Variants in CCDC73 observed in about 807,000 individuals in gnomAD.
The protein encoded by CCDC73 is coiled-coil domain containing 73, also known as coiled-coil domain-containing protein 73.
CCDC73 carries 95 observed loss-of-function variants against 116.5 expected under a neutral mutation model. The observed-to-expected ratio is 0.82, with a 90% CI of 0.69 to 0.97. CCDC73 has a LOEUF of 0.97. CCDC73 is among the 50% of genes least tolerant of loss of function. CCDC73 has a pLI of 0.00. For missense variants in CCDC73, 1,066 were observed against 1,206.8 expected, an observed-to-expected ratio of 0.88 and a Z score of 1.73; for synonymous variants, 398 against 401.3, an observed-to-expected ratio of 0.99 and a Z score of 0.10.
At chr11:32,619,560 C>G (rs1590547502) in intron 14 of CCDC73, among the ~76,000 whole-genome samples, 1 of 152,208 alleles carries the variant, frequency 6.6e-6, no homozygotes, top group South Asian at 2.1e-4. Context: ...GTAGTCCTAA[C>G]TACTTGGGAA....
At chr11:32,782,821 T>G (rs1041686067) in intron 1 of CCDC73, among the ~76,000 whole-genome samples, 4 of 151,944 alleles carry the variant, frequency 2.6e-5, no homozygotes, top group Admixed American at 2.6e-4. Flanking sequence ...AAAATTAAGA[T>G]AGTGGAAATG....
intron 14 of CCDC73, among the ~76,000 whole-genome samples, chr11:32,625,192 T>C (rs1449281573): frequency 5.3e-5 from 8 of 152,312 alleles, no homozygotes; most frequent in Admixed American, 5.2e-4. Flanking sequence ...TCAGATGGGT[T>C]TCCTGAATAC....
chr11:32,711,412 T>G (rs533399100), intron 3 of CCDC73, among the ~76,000 whole-genome samples: 1 of 152,154 alleles, frequency 6.6e-6, no homozygotes, highest in South Asian at 2.1e-4. Flanking sequence ...AATCAACAAG[T>G]AGATAAAGAA....
At chr11:32,742,500 G>T (rs1402445637) in intron 2 of CCDC73, among the ~76,000 whole-genome samples, 1 of 152,148 alleles carries the variant, frequency 6.6e-6, no homozygotes, top group African/African-American at 2.4e-5. Flanking sequence ...TTTTGATGGG[G>T]TTGTTTGCTT....
At position 32,614,642 on chromosome 11, in the gene CCDC73, T is replaced by C. The variant is rs374019766; in HGVS notation, c.1676A>G (p.Asp559Gly). 6.3e-5 allele frequency: 102 copies of C among 1,613,054 alleles called. No individual in the cohort carries two copies. The East Asian group carries it at 1.7e-3, about 28-fold the overall frequency. The stretch of plus-strand genomic sequence containing the variant: ...CAGATTTACATCTGTATGGTGAACA[T>C]CTAATCCTCTGGTTCTTTCTAGATG... The part of the protein sequence containing the change: ...KIHLERTRGL[D>G]VHHTDVNLEV... Residue 559 changes from aspartate to glycine, a missense_variant, in exon 16 of 18, where the codon GAT becomes GGT. By Grantham distance (94) the Asp-to-Gly change is moderately conservative (BLOSUM62 -1). Coordinates refer to ENST00000335185, the MANE Select transcript of CCDC73 (RefSeq NM_001008391.4).
intron 6 of CCDC73, among the ~76,000 whole-genome samples, chr11:32,689,019 G>C (rs1156232468): frequency 6.6e-6 from 1 of 152,086 alleles, no homozygotes; most frequent in African/African-American, 2.4e-5. Flanking sequence ...ACAAAGCCAA[G>C]GGATCTAGCA....
chr11:32,684,177 A>G, intron 6 of CCDC73, among the ~76,000 whole-genome samples: 1 of 152,000 alleles, frequency 6.6e-6, no homozygotes, highest in East Asian at 1.9e-4. Context: ...CAGCCTCCTA[A>G]GTAGCTGGGT....
chr11:32,721,760 G>A (rs776901565), intron 2 of CCDC73, among the ~76,000 whole-genome samples: 2 of 151,802 alleles, frequency 1.3e-5, no homozygotes, highest in African/African-American at 2.4e-5. Context: ...ACAGTGCCCG[G>A]CTAATTTTTT....
intron 2 of CCDC73, among the ~76,000 whole-genome samples, chr11:32,747,882 C>T (rs1191521895): frequency 6.6e-6 from 1 of 152,200 alleles, no homozygotes; most frequent in Admixed American, 6.5e-5. Context: ...AAGGAAAATC[C>T]CCTGACCTCT....
At chr11:32,773,063 T>C (rs1286249994) in intron 1 of CCDC73, among the ~76,000 whole-genome samples, 1 of 152,142 alleles carries the variant, frequency 6.6e-6, no homozygotes, top group East Asian at 1.9e-4. Flanking sequence ...ATGTAGCATA[T>C]CTATAAAATA....
intron 7 of CCDC73, 82 bp from the exon 8 acceptor site, chr11:32,676,103 G>T: frequency 8.8e-7 from 1 of 1,138,312 alleles, no homozygotes; most frequent in Admixed American, 2.8e-5. Flanking sequence ...AATATATTGT[G>T]GTAAACCACT....
At chr11:32,674,112 T>C (rs1344647827) in intron 9 of CCDC73, among the ~76,000 whole-genome samples, 1 of 152,210 alleles carries the variant, frequency 6.6e-6, no homozygotes, top group African/African-American at 2.4e-5. Flanking sequence ...GCAACCCATA[T>C]ACATAAGCCT....
intron 1 of CCDC73, among the ~76,000 whole-genome samples, chr11:32,789,111 A>G (rs7104606): frequency 0.015 from 2,247 of 152,278 alleles, 43 homozygotes; most frequent in African/African-American, 0.05. Context: ...ACCTATGGAG[A>G]TGAGATTTTA....
intron 1 of CCDC73, among the ~76,000 whole-genome samples, chr11:32,769,701 A>G (rs1216128118): frequency 6.6e-6 from 1 of 152,182 alleles, no homozygotes; most frequent in African/African-American, 2.4e-5. Context: ...AGACATCTCT[A>G]TGACTCAGCA....
At chr11:32,708,060 C>G (rs1047249097) in intron 3 of CCDC73, among the ~76,000 whole-genome samples, 1 of 152,148 alleles carries the variant, frequency 6.6e-6, no homozygotes. Flanking sequence ...AGCCTTTGAT[C>G]CATCTTGATT....
In CCDC73 at chr11:32,755,394, C is replaced by T. The variant is rs576659535; in HGVS notation, c.135+4715G>A. ...ACCAAAAATACAAAAATTAGCAGGG[C>T]GTGGTGGTGCATGCCTGTAATCCCA... On this transcript the variant is annotated intron_variant, in intron 2 of 17. Coordinates refer to ENST00000335185, the MANE Select transcript of CCDC73 (RefSeq NM_001008391.4). Among the ~76,000 whole-genome samples the T allele has an allele frequency of 1.6e-4, 24 of 146,400 alleles. No homozygotes were observed. In the South Asian group the frequency reaches 4.1e-3, roughly 25 times the overall value.
chr11:32,826,442 G>A, the CCDC73 span, among the ~76,000 whole-genome samples: 2 of 152,114 alleles, frequency 1.3e-5, no homozygotes, highest in Non-Finnish European at 2.9e-5. Context: ...CAGTCCTTGA[G>A]TCCATCCTCA....
intron 1 of CCDC73, among the ~76,000 whole-genome samples, chr11:32,763,661 G>GA (rs1850412959): frequency 6.6e-6 from 1 of 152,092 alleles, no homozygotes; most frequent in South Asian, 2.1e-4. Context: ...AAAAAGATGG[G>GA]AAAAAAACAG....
At chr11:32,625,746 A>T (rs1270451630) in intron 14 of CCDC73, among the ~76,000 whole-genome samples, 1 of 152,178 alleles carries the variant, frequency 6.6e-6, no homozygotes, top group African/African-American at 2.4e-5. Context: ...TTATTTCAGT[A>T]GACGCAGAAA....
Sources: allele counts gnomAD v4.1 joint callset (sites outside exome capture counted in the v4.1 genomes callset), GRCh38; gene constraint gnomAD v4.1.1; transcripts MANE v1.5; gene names NCBI Gene and HGNC (gene_info 2026-07-23, HGNC 2026-07-21).